Variants in NUP107 observed in about 807,000 individuals in gnomAD.
NUP107 encodes nucleoporin 107, also known as nuclear pore complex protein Nup107.
A neutral mutation model predicts 141.0 loss-of-function variants in NUP107; 101 were observed. The ratio of observed to expected loss-of-function variants is 0.72; its 90% confidence interval spans 0.61 to 0.84. NUP107 has a LOEUF of 0.84. NUP107 is among the 40% of genes least tolerant of loss of function. The pLI is 0.00. For synonymous variants in NUP107, 319 were observed against 363.9 expected, an observed-to-expected ratio of 0.88 and a Z score of 1.41; for missense variants, 941 against 1,102.7, an observed-to-expected ratio of 0.85 and a Z score of 2.08.
intron 7 of NUP107, 90 bp from the exon 8 acceptor site, chr12:68,702,646 G>T (rs1876386078): frequency 3.5e-6 from 3 of 847,652 alleles, no homozygotes; most frequent in Non-Finnish European, 5.6e-6. Flanking sequence ...AAAGAAGTTA[G>T]CCAAATTTTC....
intron 5 of NUP107, among the ~76,000 whole-genome samples, chr12:68,693,085 AT>A (rs912996097): frequency 9.2e-4 from 121 of 132,062 alleles, no homozygotes; most frequent in African/African-American, 1.3e-3. Context: ...TTATTTATTT[AT>A]TTTTTTTTTT....
At chr12:68,706,408 C>T in intron 8 of NUP107, 2 of 986,660 alleles carry the variant, frequency 2.0e-6, no homozygotes, top group Non-Finnish European at 3.2e-6. Flanking sequence ...ACATGAACAG[C>T]ATCATCGCTG....
chr12:68,724,428 T>G (rs1877474436), intron 17 of NUP107, among the ~76,000 whole-genome samples: 1 of 152,102 alleles, frequency 6.6e-6, no homozygotes. Context: ...GGGTATTACT[T>G]CTGGACAGAA....
intron 5 of NUP107, among the ~76,000 whole-genome samples, chr12:68,695,837 T>A (rs767366150): frequency 3.0e-4 from 46 of 152,076 alleles, no homozygotes; most frequent in Non-Finnish European, 4.7e-4. Context: ...ACCCTGTCTC[T>A]ACAGACTAAT....
At position 68,710,009 on chromosome 12, in the gene NUP107, T is replaced by TG; in HGVS notation, c.808dup (p.Val270GlyfsTer11). 6.4e-7 allele frequency: 1 copy of TG among 1,573,056 alleles called. No individual in the cohort carries two copies. The highest frequency in any genetic ancestry group is 8.7e-7 in the Non-Finnish European group (1 of 1,146,938). On this transcript the variant is annotated frameshift_variant, in exon 10 of 28. Transcript: ENST00000229179. LOFTEE classifies it high-confidence loss of function. ...ATTTTTTTCTTTCTTTCTTAGCTGG[T>TG]GGTAGATTGGTTAGAGAGTATTGCC... is the stretch of plus-strand genomic sequence containing the variant.
In NUP107 at chr12:68,745,595, T is replaced by G. The variant is rs757392324; in HGVS notation, c.*3133T>G. The G allele has an allele frequency of 4.6e-5, 7 of 152,174 alleles. No homozygotes were observed. Among genetic ancestry groups the G allele is most frequent in the Non-Finnish European group, 1.0e-4 (7 of 68,018 alleles). The allele number at this position is 152,174 out of a possible 1,614,324, so 9.4% of individuals were successfully genotyped here. A position where few individuals can be genotyped will look rare whatever the true frequency, so the allele number is the denominator to read the frequency against. ...GTATATATATACGGTTTTGCCAGGTTGTACGTTTTTTTCTCGAGTTGTAAG... is the reference window on the plus strand; with the variant it reads ...GTATATATATACGGTTTTGCCAGGTGGTACGTTTTTTTCTCGAGTTGTAAG... On this transcript the variant is annotated 3_prime_UTR_variant, in exon 28 of 28. Transcript: ENST00000229179.
At chr12:68,701,937 G>A (rs1181859821) in intron 7 of NUP107, among the ~76,000 whole-genome samples, 1 of 151,974 alleles carries the variant, frequency 6.6e-6, no homozygotes, top group African/African-American at 2.4e-5. Context: ...AGCCTCCTGA[G>A]TAGCTGGTAT....
rs773561721 is a variant in NUP107, at chr12:68,725,783, G to A, written c.1563G>A (p.Leu521=). The change falls in exon 18 of 28, where the codon CTG becomes CTA. Residue 521 remains leucine (L), a synonymous_variant. Transcript: ENST00000229179. ...ATATAGTTCAAAAGTTTCTTATCCT[G>A]GGAGACATTGATGGTAAGATATGGT... is the stretch of plus-strand genomic sequence containing the variant. ...HYHIVQKFLI[L]GDIDGLMDEF... 5.4e-6 allele frequency: 8 copies of A among 1,486,462 alleles called. No homozygotes were observed. The highest frequency in any genetic ancestry group is 7.4e-6 in the Non-Finnish European group (8 of 1,085,126). The allele number at this position is 1,486,462 out of a possible 1,614,324, so 92.1% of individuals were successfully genotyped here. A position where few individuals can be genotyped will look rare whatever the true frequency, so the allele number is the denominator to read the frequency against.
chr12:68,688,855 C>A, intron 1 of NUP107, 107 bp from the exon 2 acceptor site: 2 of 708,778 alleles, frequency 2.8e-6, no homozygotes, highest in East Asian at 2.9e-5. Flanking sequence ...ACTAGAATGA[C>A]TATACCTTAA....
At chr12:68,712,197 T>C (rs1565693739) in intron 10 of NUP107, among the ~76,000 whole-genome samples, 1 of 152,024 alleles carries the variant, frequency 6.6e-6, no homozygotes, top group East Asian at 1.9e-4. Context: ...AAAGGTCAGA[T>C]TGCGGGCAGG....
chr12:68,740,870 A>G (rs955134643), intron 26 of NUP107, among the ~76,000 whole-genome samples: 6 of 151,894 alleles, frequency 4.0e-5, no homozygotes, highest in African/African-American at 1.5e-4. Context: ...CAAATAATAA[A>G]ATTATTTTTT....
chr12:68,728,077 G>A (rs1394556498), intron 20 of NUP107, among the ~76,000 whole-genome samples: 1 of 152,066 alleles, frequency 6.6e-6, no homozygotes, highest in Non-Finnish European at 1.5e-5. Flanking sequence ...GAGTCCAGAC[G>A]TTTGAGATCA....
rs796740379 is a variant in NUP107 at position 68,722,210 on chromosome 12, G to A, written c.1506+58G>A. 3.0e-5 allele frequency: 41 copies of A among 1,380,046 alleles called. No individual in the cohort carries two copies. The African/African-American group carries it at 5.1e-4, about 17-fold the overall frequency. 85.5% of individuals were successfully genotyped at this position (1,380,046 alleles called of 1,614,324 possible). ...GAATAGGAAACAGTGTTATTCTATT[G>A]TGCACTGTAGCTGAAAGGAAAAAGG... On this transcript the variant is annotated intron_variant, in intron 17 of 27. Coordinates refer to ENST00000229179, the MANE Select transcript of NUP107 (RefSeq NM_020401.4).
At chr12:68,735,135 A>T (rs941657441) in intron 25 of NUP107, 96 bp from the exon 26 acceptor site, 48 of 860,880 alleles carry the variant, frequency 5.6e-5, no homozygotes, top group Non-Finnish European at 9.0e-5. Flanking sequence ...AACTCTTTAG[A>T]ATGATGTTCT....
At chr12:68,697,296 T>G (rs1259115006) in intron 6 of NUP107, among the ~76,000 whole-genome samples, 5 of 152,180 alleles carry the variant, frequency 3.3e-5, no homozygotes, top group Admixed American at 1.3e-4. Flanking sequence ...TGGTGCTATG[T>G]ACCTGTGATT....
At position 68,719,324 on chromosome 12, in the gene NUP107, C is replaced by G; in HGVS notation, c.1084-17C>G. On this transcript the variant is annotated splice_polypyrimidine_tract_variant and intron_variant, in intron 12 of 27. Coordinates refer to ENST00000229179, the MANE Select transcript of NUP107 (RefSeq NM_020401.4). ...CACCCTGGTTATTGGACTGACTGCT[C>G]TTTCTTGTTTTCTAAGGCACAACGA... The G allele has an allele frequency of 1.9e-6, 3 of 1,607,672 alleles. No individual in the cohort carries two copies. Among genetic ancestry groups the G allele is most frequent in the East Asian group, 4.5e-5 (2 of 44,820 alleles).
chr12:68,687,174 TCCCGGGTGCTTC>T, intron 1 of NUP107, 101 bp downstream of exon 1: 1 of 1,517,058 alleles, frequency 6.6e-7, no homozygotes, highest in Non-Finnish European at 9.1e-7. Context: ...GCCAAGGAGG[TCCCGGGTGCTTC>T]CCCTAAGGCT....
rs1592489220 is a variant in NUP107, at chr12:68,690,384, A to G, written c.188-247A>G. ...GTGTCTTTAACTGCTCAGTTATTCT[A>G]TAATGAAAGCATCTGTAATTGCAGT... On this transcript the variant is annotated intron_variant, in intron 3 of 27. Transcript: ENST00000229179. 2.1e-5 allele frequency: 11 copies of G among 535,594 alleles called. No individual in the cohort carries two copies. The East Asian group carries it at 3.7e-4, about 18-fold the overall frequency. 33.2% of individuals were successfully genotyped at this position (535,594 alleles called of 1,614,324 possible). A position where few individuals can be genotyped will look rare whatever the true frequency, so the allele number is the denominator to read the frequency against.
chr12:68,702,546 T>C (rs924392484), intron 7 of NUP107, among the ~76,000 whole-genome samples, 190 bp from the exon 8 acceptor site: 3 of 152,180 alleles, frequency 2.0e-5, no homozygotes, highest in Non-Finnish European at 4.4e-5. Flanking sequence ...ATTACAGGTA[T>C]GAGCCAGTGT....
Sources: gnomAD v4.1 joint callset for allele counts (sites outside exome capture counted in the v4.1 genomes callset) on GRCh38, gnomAD v4.1.1 for gene constraint, MANE v1.5 for transcripts, NCBI Gene and HGNC (gene_info 2026-07-23, HGNC 2026-07-21) for gene names.